The following H3C4 variants were observed in gnomAD, a reference collection of about 807,000 sequenced individuals.
The protein encoded by H3C4 is H3 clustered histone 4.
Under a neutral mutation model 8.7 loss-of-function variants are expected in H3C4, and 10 were observed. The ratio of observed to expected loss-of-function variants is 1.15; its 90% CI spans 0.71 to 1.96. The LOEUF is 1.96. Among genes scored for constraint, H3C4 ranks in the 30% most tolerant of loss-of-function variants. The pLI, the probability that H3C4 is intolerant of heterozygous loss-of-function variation, is 0.00. For missense variants in H3C4, 216 were observed against 192.9 expected (o/e 1.12, Z -0.71); for synonymous variants, 141 against 80.1 (o/e 1.76, Z -4.06).
At position 26,197,053 on chromosome 6, in the gene H3C4, C is replaced by A; in HGVS notation, c.198G>T (p.Leu66=). 4 of 1,614,240 alleles carry A rather than the reference C, an allele frequency of 2.5e-6. No individual in the cohort carries two copies. The highest frequency in any genetic ancestry group is 3.4e-6 in the Non-Finnish European group (4 of 1,180,050). ...QKSTELLIRK[L]PFQRLVREIA... is the part of the protein sequence containing the mutation. Reference sequence around the variant, plus strand: ...TCTCACGGACTAGACGCTGGAATGGCAGTTTGCGAATCAGCAGCTCGGTCG... The same window carrying A: ...TCTCACGGACTAGACGCTGGAATGGAAGTTTGCGAATCAGCAGCTCGGTCG... Residue 66 remains leucine, a synonymous_variant, in exon 1 of 1, where the codon CTG becomes CTT. Transcript: ENST00000356476.
At chr6:26,199,042 C>A (rs1036403843), upstream of H3C4, 5 of 1,614,128 alleles carry the variant, frequency 3.1e-6, no homozygotes, top group Non-Finnish European at 1.7e-6. Context: ...GCGGCGTTGC[C>A]CGCCAGCTCC....
Position 26,197,264 on chromosome 6 carries a change from A to C in H3C4, c.-14T>G, listed in dbSNP as rs1410135233. The C allele has an allele frequency of 1.9e-6, 3 of 1,599,926 alleles. No homozygotes were observed. Among genetic ancestry groups the C allele is most frequent in the Non-Finnish European group, 2.6e-6 (3 of 1,176,272 alleles). ...GGTACGAGCCATTGCGAACTTCTAAACCCTGCTAAATGACGAAAAAACGAA... is the reference window on the plus strand; with the variant it reads ...GGTACGAGCCATTGCGAACTTCTAACCCCTGCTAAATGACGAAAAAACGAA... On this transcript the variant is annotated 5_prime_UTR_variant, in exon 1 of 1. Transcript: ENST00000356476.
At chr6:26,198,810 TAA>T (rs1330468654), upstream of H3C4, 8 of 1,595,774 alleles carry the variant, frequency 5.0e-6, no homozygotes, top group Admixed American at 3.7e-5. Flanking sequence ...GAGCCTTTGT[TAA>T]GACTGCTTCC....
At chr6:26,199,195 T>TCTTA (rs750213765), upstream of H3C4, 1 of 1,613,556 alleles carries the variant, frequency 6.2e-7, no homozygotes, top group African/African-American at 1.3e-5. Context: ...GAAGAGCGGG[T>TCTTA]CTTAGCCTTA....
upstream of H3C4, among the ~76,000 whole-genome samples, chr6:26,197,826 A>C (rs1464735576): frequency 4.5e-5 from 1 of 21,992 alleles, no homozygotes; most frequent in African/African-American, 1.8e-4. Flanking sequence ...TGTCATCCTC[A>C]TATGAAAGCA....
upstream of H3C4, chr6:26,198,719 A>C (rs1765045602): frequency 9.3e-6 from 8 of 862,972 alleles, no homozygotes; most frequent in Admixed American, 6.2e-5. Flanking sequence ...TAAATGGAAA[A>C]ATTATTAAAG....
chr6:26,198,848 G>A, upstream of H3C4: 2 of 1,611,282 alleles, frequency 1.2e-6, no homozygotes, highest in Non-Finnish European at 1.7e-6. Context: ...AAGAGTTCTC[G>A]TTTTACTTGC....
At chr6:26,199,214 CT>C, upstream of H3C4, 1 of 1,607,200 alleles carries the variant, frequency 6.2e-7, no homozygotes. Context: ...TAGCTCGGGC[CT>C]TTCCGCCTTG....
chr6:26,196,964 G>A lies in H3C4; in HGVS notation c.287C>T (p.Ala96Val), dbSNP rs1318210689. 9 of 1,614,072 alleles carry A rather than the reference G, an allele frequency of 5.6e-6. No homozygotes were observed. The highest frequency in any genetic ancestry group is 2.2e-5 in the South Asian group (2 of 90,980). ...CAGCCCCACCAGGTAGGCCTCGCAGGCCTCCTGCAGCGCCATCACCGCCGA... is the reference window on the plus strand; with the variant it reads ...CAGCCCCACCAGGTAGGCCTCGCAGACCTCCTGCAGCGCCATCACCGCCGA... ...QSSAVMALQEACEAYLVGLFE... is the reference protein window; with the variant it reads ...QSSAVMALQEVCEAYLVGLFE... Residue 96 changes from alanine to valine, a missense_variant, in exon 1 of 1, where the codon GCC (alanine) becomes GTC (valine). Physicochemically the swap from Ala to Val is moderately conservative, Grantham distance 64. Transcript: ENST00000356476.
Position 26,197,209 on chromosome 6 carries a change from C to T in H3C4, c.42G>A (p.Gly14=), listed in dbSNP as rs1367543947. The change falls in exon 1 of 1, where the codon GGG becomes GGA. Residue 14 remains glycine, a synonymous_variant. Transcript: ENST00000356476. ...TGGCCAGCTGCTTGCGTGGCGCTTT[C>T]CCACCCGTGGACTTGCGAGCAGTCT... ...TKQTARKSTG[G]KAPRKQLATK... The T allele has an allele frequency of 1.9e-6, 3 of 1,613,866 alleles. No individual in the cohort carries two copies. The South Asian group carries it at 3.3e-5, about 18-fold the overall frequency.
At chr6:26,199,149 T>C (rs775517831), upstream of H3C4, 7 of 1,614,142 alleles carry the variant, frequency 4.3e-6, no homozygotes, top group Middle Eastern at 1.6e-4. Context: ...GAGCAAGCGG[T>C]GTACGCGGCC....
At chr6:26,199,271 A>C (rs1204417910), upstream of H3C4, 5 of 1,580,338 alleles carry the variant, frequency 3.2e-6, no homozygotes, top group Non-Finnish European at 8.5e-7. Context: ...GATGTTAAGC[A>C]ATGAAGACAA....
Position 26,197,122 on chromosome 6 carries a change from C to G in H3C4, c.129G>C (p.Arg43=). The change falls in exon 1 of 1, where the codon CGG becomes CGC. Residue 43 remains arginine, a synonymous_variant. Coordinates refer to ENST00000356476, the MANE Select transcript of H3C4 (RefSeq NM_001376937.1). Reference sequence around the variant, plus strand: ...TCTCGCGCAGAGCCACCGTGCCGGGCCGGTAACGGTGGGGCTTCTTCACGC... The same window carrying G: ...TCTCGCGCAGAGCCACCGTGCCGGGGCGGTAACGGTGGGGCTTCTTCACGC... ...TGGVKKPHRY[R]PGTVALREIR... is the part of the protein sequence containing the mutation. 1 of 1,614,178 alleles carries G rather than the reference C, an allele frequency of 6.2e-7. No homozygotes were observed.
chr6:26,199,072 A>G, upstream of H3C4: 2 of 1,613,718 alleles, frequency 1.2e-6, no homozygotes, highest in Non-Finnish European at 1.7e-6. Context: ...GCGGTCAGGT[A>G]CTCCAACACC....
rs768464220 is a variant in H3C4 at position 26,196,972 on chromosome 6, C to G, written c.279G>C (p.Leu93=). Residue 93 remains leucine (L), a synonymous_variant, in exon 1 of 1, where the codon CTG becomes CTC. Coordinates refer to ENST00000356476, the MANE Select transcript of H3C4 (RefSeq NM_001376937.1). ...LRFQSSAVMA[L]QEACEAYLVG... ...CCAGGTAGGCCTCGCAGGCCTCCTG[C>G]AGCGCCATCACCGCCGAGCTCTGAA... is the stretch of plus-strand genomic sequence containing the variant. 1 of 1,614,264 alleles carries G rather than the reference C, an allele frequency of 6.2e-7. No individual in the cohort carries two copies. The highest frequency in any genetic ancestry group is 1.1e-5 in the South Asian group (1 of 91,088).
At chr6:26,197,710 G>A (rs945657912), upstream of H3C4, among the ~76,000 whole-genome samples, 22 of 151,418 alleles carry the variant, frequency 1.5e-4, no homozygotes, top group African/African-American at 5.1e-4. Flanking sequence ...TAAACTTGGA[G>A]ATATTTTCAA....
chr6:26,199,030 G>T, upstream of H3C4: 1 of 1,614,106 alleles, frequency 6.2e-7, no homozygotes, highest in South Asian at 1.1e-5. Flanking sequence ...TTGTTGTCGC[G>T]GGCGGCGTTG....
At chr6:26,199,224 T>G, upstream of H3C4, 1 of 1,604,114 alleles carries the variant, frequency 6.2e-7, no homozygotes, top group Non-Finnish European at 8.5e-7. Flanking sequence ...CTTTCCGCCT[T>G]GCTTGCCGCG....
At chr6:26,199,052 C>T (rs374706369), upstream of H3C4, 2 of 1,614,208 alleles carry the variant, frequency 1.2e-6, no homozygotes, top group African/African-American at 1.3e-5. Flanking sequence ...CCGCCAGCTC[C>T]AGGATCTCGG....
Sources: gnomAD v4.1 joint callset for allele counts (sites outside exome capture counted in the v4.1 genomes callset) on GRCh38, gnomAD v4.1.1 for gene constraint, MANE v1.5 for transcripts, NCBI Gene and HGNC (gene_info 2026-07-23, HGNC 2026-07-21) for gene names.